GJD2: variants seen among roughly 807,000 people sequenced by gnomAD.
GJD2 encodes gap junction delta-2 protein.
In GJD2, 12 loss-of-function variants were observed where a neutral mutation model predicts 24.3. The ratio of observed to expected loss-of-function variants is 0.49; its 90% CI spans 0.32 to 0.80. GJD2 has a LOEUF of 0.80. GJD2 is among the 30% of genes least tolerant of loss of function. GJD2 has a pLI of 0.04. For synonymous variants in GJD2, 171 were observed against 155.2 expected (o/e 1.10, Z -0.76); for missense variants, 268 against 402.4 (o/e 0.67, Z 2.86).
rs1891114323 is a variant in GJD2, at chr15:34,752,252, C to A, written c.*226G>T. The A allele has an allele frequency of 1.8e-6, 1 of 561,524 alleles. No individual in the cohort carries two copies. Among genetic ancestry groups the A allele is most frequent in the African/African-American group, 1.9e-5 (1 of 53,372 alleles). 34.8% of individuals were successfully genotyped at this position (561,524 alleles called of 1,614,324 possible). A position where few individuals can be genotyped will look rare whatever the true frequency, so the allele number is the denominator to read the frequency against. ...AGGGACCAAAGAAGTCTAATTGATC[C>A]ATTTCATCACTCTACCCAATCGTCT... On this transcript the variant is annotated 3_prime_UTR_variant, in exon 2 of 2. Transcript: ENST00000290374.
rs1288997003 is a variant in GJD2 at position 34,754,504 on chromosome 15, G to A, written c.-16C>T. ...ATTCCCCCATCGCTGTGCATCCGGAGGCAGCAGACAAAGACTGGGCAGCAC... is the reference window on the plus strand; with the variant it reads ...ATTCCCCCATCGCTGTGCATCCGGAAGCAGCAGACAAAGACTGGGCAGCAC... On this transcript the variant is annotated 5_prime_UTR_variant, in exon 1 of 2. Coordinates refer to ENST00000290374, the MANE Select transcript of GJD2 (RefSeq NM_020660.3). This position sits in a 1 kb window ranked among gnomAD's most constrained non-coding sequence, Gnocchi z 5.9. 1 of 1,611,266 alleles carries A rather than the reference G, an allele frequency of 6.2e-7. No individual in the cohort carries two copies. Among genetic ancestry groups the A allele is most frequent in the South Asian group, 1.1e-5 (1 of 91,024 alleles).
intron 1 of GJD2, among the ~76,000 whole-genome samples, chr15:34,753,638 T>C (rs1292521710): frequency 3.9e-5 from 6 of 152,138 alleles, no homozygotes; most frequent in African/African-American, 1.4e-4. Flanking sequence ...TTGCAACAGA[T>C]AGATTTCATC....
At position 34,754,200 on chromosome 15, in the gene GJD2, A is replaced by G. The variant is rs1891152318; in HGVS notation, c.71+218T>C. On this transcript the variant is annotated intron_variant, in intron 1 of 1. Coordinates refer to ENST00000290374, the MANE Select transcript of GJD2 (RefSeq NM_020660.3). The surrounding 1 kb of genome is among the most constrained non-coding windows in gnomAD (Gnocchi z 5.9). ...AAGCCCCAGTGGTGCTTGATGGGGA[A>G]GGGATGGGCAGCTGGTTAGGAGTAG... Among the ~76,000 whole-genome samples, 1 of 152,134 alleles carries G rather than the reference A, an allele frequency of 6.6e-6. No homozygotes were observed. Among genetic ancestry groups the G allele is most frequent in the Non-Finnish European group, 1.5e-5 (1 of 68,022 alleles).
Position 34,752,455 on chromosome 15 carries a change from A to C in GJD2, c.*23T>G. 1 of 1,603,642 alleles carries C rather than the reference A, an allele frequency of 6.2e-7. No individual in the cohort carries two copies. The highest frequency in any genetic ancestry group is 8.5e-7 in the Non-Finnish European group (1 of 1,173,530). On this transcript the variant is annotated 3_prime_UTR_variant, in exon 2 of 2. Transcript: ENST00000290374. ...GCCTTGGGGCTCCTTGCCATCCCCC[A>C]GACCTTCATGAAACCTGCCCTCTCA... is the stretch of plus-strand genomic sequence containing the variant.
Position 34,753,090 on chromosome 15 carries a change from T to A in GJD2, c.354A>T (p.Arg118Ser). ...RYSTVFLALDRDPPESIGGPG... is the reference protein window; with the variant it reads ...RYSTVFLALDSDPPESIGGPG... ...GACCTCCTATGGACTCAGGGGGGTC[T>A]CTGTCCAGGGCTAGGAAGACTGTAG... Residue 118 changes from arginine (R) to serine (S), a missense_variant, in exon 2 of 2, where the codon AGA becomes AGT. Around this residue, in one of 3 missense-constraint regions of GJD2, gnomAD observed 87 missense variants for 77.8 expected, o/e 1.12. Transcript: ENST00000290374. 1 of 1,614,116 alleles carries A rather than the reference T, an allele frequency of 6.2e-7. No individual in the cohort carries two copies. Among genetic ancestry groups the A allele is most frequent in the Non-Finnish European group, 8.5e-7 (1 of 1,180,018 alleles).
rs1891154713 is a variant in GJD2, at chr15:34,754,379, CCCGACGGGGCCCCCTGACCG to C, written c.71+19_71+38del. ...TGTGAGAAGGGACTCCCGGGGGCCG[CCCGACGGGGCCCCCTGACCG>C]CCGGCTTGGCGCCCTTACCTCCCGA... On this transcript the variant is annotated intron_variant, in intron 1 of 1. Transcript: ENST00000290374. This position sits in a 1 kb window ranked among gnomAD's most constrained non-coding sequence, Gnocchi z 5.9. 2.6e-6 allele frequency: 4 copies of C among 1,536,782 alleles called. No homozygotes were observed. The Admixed American group carries it at 6.7e-5, about 26-fold the overall frequency.
At position 34,752,413 on chromosome 15, in the gene GJD2, C is replaced by T. The variant is rs201005605; in HGVS notation, c.*65G>A. The T allele has an allele frequency of 4.5e-6, 6 of 1,347,126 alleles. No individual in the cohort carries two copies. The highest frequency in any genetic ancestry group is 1.3e-5 in the South Asian group (1 of 75,358). The allele number at this position is 1,347,126 out of a possible 1,614,324, so 83.4% of individuals were successfully genotyped here. On this transcript the variant is annotated 3_prime_UTR_variant, in exon 2 of 2. Coordinates refer to ENST00000290374, the MANE Select transcript of GJD2 (RefSeq NM_020660.3). ...ACATAAATGAGGGTGGATACAGCCA[C>T]GTCTGAGCAGTCATCTGCCTTGGGG...
Position 34,752,474 on chromosome 15 carries a change from C to T in GJD2, c.*4G>A. On this transcript the variant is annotated 3_prime_UTR_variant, in exon 2 of 2. Transcript: ENST00000290374. ...TCCCCCAGACCTTCATGAAACCTGC[C>T]CTCTCACACATAGGCAGAGTCACTG... The T allele has an allele frequency of 6.2e-7, 1 of 1,610,942 alleles. No individual in the cohort carries two copies. The highest frequency in any genetic ancestry group is 1.1e-5 in the South Asian group (1 of 90,724).
Position 34,754,631 on chromosome 15 carries a change from C to T in GJD2, c.-143G>A, listed in dbSNP as rs1014736281. The T allele has an allele frequency of 9.1e-6, 6 of 662,884 alleles. No homozygotes were observed. The African/African-American group carries it at 1.1e-4, about 12-fold the overall frequency. The allele number at this position is 662,884 out of a possible 1,614,324, so 41.1% of individuals were successfully genotyped here. A position where few individuals can be genotyped will look rare whatever the true frequency, so the allele number is the denominator to read the frequency against. On this transcript the variant is annotated 5_prime_UTR_variant, in exon 1 of 2. Transcript: ENST00000290374. This position sits in a 1 kb window ranked among gnomAD's most constrained non-coding sequence, Gnocchi z 5.9. Reference sequence around the variant, plus strand: ...GCAATTTTTTAAAAAATCCTCGAATCCCCCTTTCCTTTTATTGTACTTAAA... The same window carrying T: ...GCAATTTTTTAAAAAATCCTCGAATTCCCCTTTCCTTTTATTGTACTTAAA...
At position 34,751,140 on chromosome 15, in the gene GJD2, G is replaced by T. The variant is rs938931716; in HGVS notation, c.*1338C>A. 3.3e-5 allele frequency: 5 copies of T among 151,878 alleles called. No homozygotes were observed. Among genetic ancestry groups the T allele is most frequent in the African/African-American group, 9.7e-5 (4 of 41,298 alleles). The allele number at this position is 151,878 out of a possible 1,614,324, so 9.4% of individuals were successfully genotyped here. On this transcript the variant is annotated 3_prime_UTR_variant, in exon 2 of 2. Transcript: ENST00000290374. ...TAATGATAATTCAAAGGGAACAAAGGGCTTCATAAAAGCACATTACCCAGA... is the reference window on the plus strand; with the variant it reads ...TAATGATAATTCAAAGGGAACAAAGTGCTTCATAAAAGCACATTACCCAGA...
chr15:34,752,299 A>G lies in GJD2; in HGVS notation c.*179T>C. 1.7e-6 allele frequency: 1 copy of G among 605,634 alleles called. No homozygotes were observed. The highest frequency in any genetic ancestry group is 2.1e-5 in the South Asian group (1 of 48,642). The allele number at this position is 605,634 out of a possible 1,614,324, so 37.5% of individuals were successfully genotyped here. Reference sequence around the variant, plus strand: ...GTCTCTGTAGAACCAATTAGGTGATATGTGAAAATGGGTCCACTTTTCCTC... The same window carrying G: ...GTCTCTGTAGAACCAATTAGGTGATGTGTGAAAATGGGTCCACTTTTCCTC... On this transcript the variant is annotated 3_prime_UTR_variant, in exon 2 of 2. Coordinates refer to ENST00000290374, the MANE Select transcript of GJD2 (RefSeq NM_020660.3).
rs150796630 is a variant in GJD2 at position 34,754,159 on chromosome 15, T to C, written c.71+259A>G. On this transcript the variant is annotated intron_variant, in intron 1 of 1. Coordinates refer to ENST00000290374, the MANE Select transcript of GJD2 (RefSeq NM_020660.3). This position sits in a 1 kb window ranked among gnomAD's most constrained non-coding sequence, Gnocchi z 5.9. ...AAGACTGAGCCAGCGGCTCCTTTTC[T>C]GATGTGGGAAGAGTGAAGCCCCAGT... is the stretch of plus-strand genomic sequence containing the variant. Among the ~76,000 whole-genome samples, 9 of 152,276 alleles carry C rather than the reference T, an allele frequency of 5.9e-5. No homozygotes were observed. In the East Asian group the frequency reaches 1.4e-3, roughly 23 times the overall value.
rs1566959687 is a variant in GJD2, at chr15:34,751,555, C to T, written c.*923G>A. The T allele has an allele frequency of 6.6e-6, 1 of 152,070 alleles. No homozygotes were observed. The highest frequency in any genetic ancestry group is 1.5e-5 in the Non-Finnish European group (1 of 68,024). 9.4% of individuals were successfully genotyped at this position (152,070 alleles called of 1,614,324 possible). ...ATGTAAGAAAATGAGTGAGATACAC[C>T]AGTTACAAATGCTGTGGCTCAGCTA... On this transcript the variant is annotated 3_prime_UTR_variant, in exon 2 of 2. Coordinates refer to ENST00000290374, the MANE Select transcript of GJD2 (RefSeq NM_020660.3).
In GJD2 at chr15:34,751,810, C is replaced by T. The variant is rs920001680; in HGVS notation, c.*668G>A. Reference sequence around the variant, plus strand: ...GAAAACTGGAAATATTGAGACATTCCTAAGGTTTTCATCACGACTAAGGGC... The same window carrying T: ...GAAAACTGGAAATATTGAGACATTCTTAAGGTTTTCATCACGACTAAGGGC... On this transcript the variant is annotated 3_prime_UTR_variant, in exon 2 of 2. Transcript: ENST00000290374. 1 of 146,334 alleles carries T rather than the reference C, an allele frequency of 6.8e-6. No individual in the cohort carries two copies. Among genetic ancestry groups the T allele is most frequent in the Non-Finnish European group, 1.5e-5 (1 of 66,478 alleles). The allele number at this position is 146,334 out of a possible 1,614,324, so 9.1% of individuals were successfully genotyped here.
At chr15:34,753,456 G>A (rs1200602695) in intron 1 of GJD2, 84 bp from the exon 2 acceptor site, 2 of 1,278,104 alleles carry the variant, frequency 1.6e-6, no homozygotes, top group Non-Finnish European at 1.1e-6. Context: ...TCCCTTTGCT[G>A]GTGTTTACCA....
chr15:34,753,700 G>A (rs1480684838), intron 1 of GJD2, among the ~76,000 whole-genome samples: 1 of 152,018 alleles, frequency 6.6e-6, no homozygotes, highest in African/African-American at 2.4e-5. Context: ...TCTGGATATG[G>A]CAAATGCACA....
In GJD2 at chr15:34,754,196, G is replaced by C. The variant is rs1299161241; in HGVS notation, c.71+222C>G. 1.3e-5 allele frequency among the ~76,000 whole-genome samples: 2 copies of C among 152,196 alleles called. No individual in the cohort carries two copies. Among genetic ancestry groups the C allele is most frequent in the African/African-American group, 4.8e-5 (2 of 41,444 alleles). ...AGTGAAGCCCCAGTGGTGCTTGATG[G>C]GGAAGGGATGGGCAGCTGGTTAGGA... On this transcript the variant is annotated intron_variant, in intron 1 of 1. Coordinates refer to ENST00000290374, the MANE Select transcript of GJD2 (RefSeq NM_020660.3). The surrounding 1 kb of genome is among the most constrained non-coding windows in gnomAD (Gnocchi z 5.9).
chr15:34,754,700 G>T lies in GJD2; in HGVS notation c.-212C>A. The T allele has an allele frequency of 1.8e-6, 1 of 552,644 alleles. No individual in the cohort carries two copies. 34.2% of individuals were successfully genotyped at this position (552,644 alleles called of 1,614,324 possible). Reference sequence around the variant, plus strand: ...GAAATCCAAGCGCGTCCCGACCGATGGGGCAGTTGGCGCGGTCTAGAGAGA... The same window carrying T: ...GAAATCCAAGCGCGTCCCGACCGATTGGGCAGTTGGCGCGGTCTAGAGAGA... On this transcript the variant is annotated 5_prime_UTR_variant, in exon 1 of 2. Coordinates refer to ENST00000290374, the MANE Select transcript of GJD2 (RefSeq NM_020660.3). This position sits in a 1 kb window ranked among gnomAD's most constrained non-coding sequence, Gnocchi z 5.9.
In GJD2 at chr15:34,754,589, G is replaced by C; in HGVS notation, c.-101C>G. 5.7e-6 allele frequency: 5 copies of C among 872,148 alleles called. No individual in the cohort carries two copies. The highest frequency in any genetic ancestry group is 9.7e-6 in the Non-Finnish European group (5 of 516,418). 54.0% of individuals were successfully genotyped at this position (872,148 alleles called of 1,614,324 possible). A position where few individuals can be genotyped will look rare whatever the true frequency, so the allele number is the denominator to read the frequency against. The stretch of plus-strand genomic sequence containing the variant: ...CGCACTTCCAGAATGGGAGTGAATT[G>C]CCTCCCAATTAAAGAAGCAATTTTT... On this transcript the variant is annotated 5_prime_UTR_variant, in exon 1 of 2. Coordinates refer to ENST00000290374, the MANE Select transcript of GJD2 (RefSeq NM_020660.3). The surrounding 1 kb of genome is among the most constrained non-coding windows in gnomAD (Gnocchi z 5.9).
Sources: gnomAD v4.1 joint callset for allele counts (sites outside exome capture counted in the v4.1 genomes callset) on GRCh38, gnomAD v4.1.1 for gene constraint, gnomAD v4.1.1 regional missense constraint, Gnocchi (gnomAD v3.1) non-coding constraint, MANE v1.5 for transcripts, NCBI Gene and HGNC (gene_info 2026-07-23, HGNC 2026-07-21) for gene names.